FRMD4B: variants seen among roughly 807,000 people sequenced by gnomAD.
FRMD4B encodes the protein FERM domain-containing protein 4B.
FRMD4B carries 74 observed loss-of-function variants against 141.5 expected under a neutral mutation model. The ratio of observed to expected loss-of-function variants is 0.52; its 90% CI spans 0.43 to 0.63. FRMD4B has a LOEUF of 0.63. FRMD4B is among the 30% of genes least tolerant of loss of function. The pLI, the probability that FRMD4B is intolerant of heterozygous loss-of-function variation, is 0.00. For missense variants in FRMD4B, 1,366 were observed against 1,253.4 expected (o/e 1.09, Z -1.36); for synonymous variants, 506 against 467.9 (o/e 1.08, Z -1.05).
intron 4 of FRMD4B, among the ~76,000 whole-genome samples, chr3:69,291,145 T>C (rs1358015734): frequency 6.6e-6 from 1 of 152,194 alleles, no homozygotes; most frequent in Non-Finnish European, 1.5e-5. Flanking sequence ...GGAAGCCCTT[T>C]CCAGAGGAAG....
At chr3:69,224,853 A>G (rs2093235177) in intron 7 of FRMD4B, among the ~76,000 whole-genome samples, 163 bp from the exon 8 acceptor site, 1 of 152,166 alleles carries the variant, frequency 6.6e-6, no homozygotes, top group South Asian at 2.1e-4. Context: ...CAAATTTAAC[A>G]ACTGAGTTAT....
intron 2 of FRMD4B, among the ~76,000 whole-genome samples, chr3:69,416,122 T>A (rs1704854424): frequency 6.6e-6 from 1 of 152,238 alleles, no homozygotes; most frequent in South Asian, 2.1e-4. Flanking sequence ...CTGCCCTTAA[T>A]AACAGGTACT....
chr3:69,297,601 T>C (rs1017762009), intron 4 of FRMD4B, among the ~76,000 whole-genome samples: 1 of 152,180 alleles, frequency 6.6e-6, no homozygotes, highest in Non-Finnish European at 1.5e-5. Flanking sequence ...TCTGAGGGAA[T>C]ATGAGCATTT....
chr3:69,403,825 AACAC>A (rs149106149), intron 2 of FRMD4B, among the ~76,000 whole-genome samples: 2 of 151,566 alleles, frequency 1.3e-5, no homozygotes, highest in African/African-American at 4.8e-5. Context: ...CCCCCACCTC[AACAC>A]ACACACACAC....
At chr3:69,172,767 C>T (rs2092601593) in intron 22 of FRMD4B, among the ~76,000 whole-genome samples, 1 of 152,106 alleles carries the variant, frequency 6.6e-6, no homozygotes, top group Non-Finnish European at 1.5e-5. Flanking sequence ...ATCATACAAA[C>T]CATTCCGATA....
At chr3:69,435,360 A>T (rs755200883) in intron 1 of FRMD4B, among the ~76,000 whole-genome samples, 7 of 127,428 alleles carry the variant, frequency 5.5e-5, no homozygotes, top group Non-Finnish European at 8.4e-5. Context: ...GTTTTAGGTT[A>T]AAAAAAAAAA....
chr3:69,354,081 C>T (rs1304942797), intron 1 of FRMD4B, among the ~76,000 whole-genome samples: 1 of 152,134 alleles, frequency 6.6e-6, no homozygotes, highest in African/African-American at 2.4e-5. Flanking sequence ...CTACTCACAG[C>T]CAGTTGATGT....
chr3:69,285,402 A>G (rs889979356), intron 5 of FRMD4B, among the ~76,000 whole-genome samples: 3 of 151,674 alleles, frequency 2.0e-5, no homozygotes, highest in African/African-American at 7.3e-5. Context: ...GAGGCCAAAA[A>G]AAAAAAAAAA....
At chr3:69,278,826 C>T (rs1025852850) in intron 5 of FRMD4B, among the ~76,000 whole-genome samples, 3 of 151,882 alleles carry the variant, frequency 2.0e-5, no homozygotes, top group African/African-American at 7.3e-5. Context: ...TGGGATCAAG[C>T]GATCTGCGCA....
intron 14 of FRMD4B, among the ~76,000 whole-genome samples, 152 bp from the exon 15 acceptor site, chr3:69,195,516 C>A (rs2092893639): frequency 6.6e-6 from 1 of 152,112 alleles, no homozygotes; most frequent in African/African-American, 2.4e-5. Flanking sequence ...AACTGGAAAA[C>A]ATTTTCTCAT....
At chr3:69,458,273 G>A (rs1559533605) in intron 1 of FRMD4B, among the ~76,000 whole-genome samples, 2 of 152,146 alleles carry the variant, frequency 1.3e-5, no homozygotes, top group African/African-American at 2.4e-5. Context: ...TTTTTACATT[G>A]GGTCATGTGG....
intron 1 of FRMD4B, among the ~76,000 whole-genome samples, chr3:69,382,101 G>A (rs992034598): frequency 6.6e-6 from 1 of 152,166 alleles, no homozygotes; most frequent in Non-Finnish European, 1.5e-5. Flanking sequence ...GTGCAGTGGT[G>A]TGATCATGGC....
chr3:69,488,601 C>T (rs1422284608), intron 1 of FRMD4B, among the ~76,000 whole-genome samples: 1 of 152,088 alleles, frequency 6.6e-6, no homozygotes, highest in African/African-American at 2.4e-5. Flanking sequence ...ATAGACCTAG[C>T]TATAAAAGTT....
chr3:69,515,859 A>G lies in FRMD4B; in HGVS notation c.-129+26347T>C, dbSNP rs917918091. On this transcript the variant is annotated intron_variant, in intron 1 of 5. Coordinates refer to the FRMD4B transcript ENST00000459638. ...TGGTTAATGTCATACACTGCATTAA[A>G]CCTATAACTTTTGGAGTTAACATCT... Among the ~76,000 whole-genome samples the G allele has an allele frequency of 2.0e-5, 3 of 152,202 alleles. 1 individual carries two copies. Among genetic ancestry groups the G allele is most frequent in the Non-Finnish European group, 4.4e-5 (3 of 68,036 alleles).
At chr3:69,353,215 C>T (rs1233691028) in intron 1 of FRMD4B, among the ~76,000 whole-genome samples, 1 of 152,062 alleles carries the variant, frequency 6.6e-6, no homozygotes, top group Non-Finnish European at 1.5e-5. Context: ...CCTTTCACGA[C>T]CTTTAAAGGA....
chr3:69,219,315 C>T (rs189452482), intron 9 of FRMD4B, among the ~76,000 whole-genome samples: 36 of 152,038 alleles, frequency 2.4e-4, no homozygotes, highest in East Asian at 1.7e-3. Context: ...GGAACTGAGG[C>T]TCCTGTTTTA....
At chr3:69,524,946 G>T (rs1700910897) in intron 1 of FRMD4B, among the ~76,000 whole-genome samples, 2 of 152,212 alleles carry the variant, frequency 1.3e-5, no homozygotes, top group African/African-American at 4.8e-5. Context: ...CTTGCAGATT[G>T]CATCACAGGA....
In FRMD4B at chr3:69,230,539, A is replaced by G. The variant is rs113017207; in HGVS notation, c.582-5849T>C. On this transcript the variant is annotated intron_variant, in intron 7 of 22. Coordinates refer to ENST00000398540, the MANE Select transcript of FRMD4B (RefSeq NM_015123.3). ...GGTGGGTGGATCACCTGAGGTCAGG[A>G]GTTTGAGACCAGTCTGACCAACATG... 8.9e-3 allele frequency among the ~76,000 whole-genome samples: 1,359 copies of G among 151,948 alleles called. 15 individuals are homozygous for G. The highest frequency in any genetic ancestry group is 0.031 in the African/African-American group (1,293 of 41,442).
At chr3:69,221,513 C>A (rs914992627) in intron 9 of FRMD4B, among the ~76,000 whole-genome samples, 2 of 152,130 alleles carry the variant, frequency 1.3e-5, no homozygotes, top group African/African-American at 2.4e-5. Context: ...TCCAGCTTCT[C>A]CTGGAAAACA....
Sources: allele counts gnomAD v4.1 joint callset (sites outside exome capture counted in the v4.1 genomes callset), GRCh38; gene constraint gnomAD v4.1.1; transcripts MANE v1.5; gene names NCBI Gene and HGNC (gene_info 2026-07-23, HGNC 2026-07-21).